Variants in TG observed in about 807,000 individuals in gnomAD.
The protein encoded by TG is thyroglobulin.
Under a neutral mutation model 324.7 loss-of-function variants are expected in TG, and 270 were observed. The ratio of observed to expected loss-of-function variants is 0.83; its 90% CI spans 0.75 to 0.92. TG has a LOEUF of 0.92. Among genes scored for constraint, TG ranks in the 40% least tolerant of loss-of-function variants. The pLI is 0.00. For missense variants in TG, 3,591 were observed against 3,456.4 expected (o/e 1.04, Z -0.98); for synonymous variants, 1,401 against 1,327.0 (o/e 1.06, Z -1.21).
intron 35 of TG, among the ~76,000 whole-genome samples, chr8:132,991,147 C>A (rs536869564): frequency 6.6e-6 from 1 of 151,054 alleles, no homozygotes. Context: ...GACCTTCAGC[C>A]GAGGCAGTCC....
chr8:132,922,840 C>A (rs1225516097), intron 21 of TG, among the ~76,000 whole-genome samples: 1 of 152,194 alleles, frequency 6.6e-6, no homozygotes. Flanking sequence ...ATGATCTAGT[C>A]ACCTCCCAAA....
At chr8:133,102,823 G>A (rs916931979) in intron 43 of TG, 1 of 439,766 alleles carries the variant, frequency 2.3e-6, no homozygotes, top group Non-Finnish European at 4.2e-6. Context: ...AGAAAAATCA[G>A]AAACAGAGCG....
chr8:133,133,539 A>G lies in TG; in HGVS notation c.8067A>G (p.Val2689=), dbSNP rs1564225183. The G allele has an allele frequency of 6.2e-7, 1 of 1,614,160 alleles. No individual in the cohort carries two copies. The change falls in exon 47 of 48, where the codon GTA becomes GTG. Residue 2689 remains valine, a synonymous_variant. Coordinates refer to ENST00000220616, the MANE Select transcript of TG (RefSeq NM_003235.5). ...TTGCAACCCCCTGGCCTGACTTTGT[A>G]CCCCGTGCTGGTGGAGAGAACTACA... The part of the protein sequence containing the change: ...PTFATPWPDF[V]PRAGGENYKE...
intron 41 of TG, among the ~76,000 whole-genome samples, chr8:133,040,516 C>A (rs1457096496): frequency 6.6e-6 from 1 of 152,222 alleles, no homozygotes; most frequent in East Asian, 1.9e-4. Flanking sequence ...GAAGCCGCAG[C>A]CTTCCAGGGT....
intron 41 of TG, among the ~76,000 whole-genome samples, chr8:133,087,410 C>A (rs1245067357): frequency 6.6e-6 from 1 of 152,190 alleles, no homozygotes; most frequent in Admixed American, 6.5e-5. Context: ...CCTCTTATCT[C>A]AGCCAGAACC....
chr8:133,112,407 C>T (rs925452131), intron 43 of TG, among the ~76,000 whole-genome samples: 1 of 152,208 alleles, frequency 6.6e-6, no homozygotes, highest in Non-Finnish European at 1.5e-5. Context: ...CCAGACTTTC[C>T]CCTGCCCATT....
intron 30 of TG, among the ~76,000 whole-genome samples, chr8:132,967,363 G>A (rs1055554640): frequency 1.3e-5 from 2 of 152,202 alleles, no homozygotes; most frequent in African/African-American, 4.8e-5. Context: ...CATGTTCCTT[G>A]CCCTTGGGGA....
rs778816868 is a variant in TG at position 132,929,028 on chromosome 8, G to A, written c.4700-48G>A. The A allele has an allele frequency of 2.0e-6, 3 of 1,488,354 alleles. No individual in the cohort carries two copies. The Admixed American group carries it at 5.0e-5, about 25-fold the overall frequency. The allele number at this position is 1,488,354 out of a possible 1,614,324, so 92.2% of individuals were successfully genotyped here. A position where few individuals can be genotyped will look rare whatever the true frequency, so the allele number is the denominator to read the frequency against. ...CAGTCTTTATGGCTTCTCTGCAGAT[G>A]CCCTACACCCTTCTGAGTCAGATTT... is the stretch of plus-strand genomic sequence containing the variant. On this transcript the variant is annotated intron_variant, in intron 22 of 47. Transcript: ENST00000220616.
At chr8:132,902,248 T>C (rs965385579) in intron 16 of TG, among the ~76,000 whole-genome samples, 1 of 152,230 alleles carries the variant, frequency 6.6e-6, no homozygotes, top group Non-Finnish European at 1.5e-5. Flanking sequence ...TAAATGATTC[T>C]GAGTTAGCCA....
intron 35 of TG, among the ~76,000 whole-genome samples, chr8:132,996,606 A>G (rs1949729): frequency 0.015 from 2,328 of 152,234 alleles, 44 homozygotes; most frequent in African/African-American, 0.051. Context: ...TTTTGATCTC[A>G]AGGAGCTCAT....
rs144006971 is a variant in TG, at chr8:133,062,678, G to A, written c.7240-32366G>A. The stretch of plus-strand genomic sequence containing the variant: ...GACATGCAGAGGCCGCTCTGCACAG[G>A]CCTCAGGAAGCATGCCTGTGACACG... On this transcript the variant is annotated intron_variant, in intron 41 of 47. Transcript: ENST00000220616. Among the ~76,000 whole-genome samples the A allele has an allele frequency of 1.1e-4, 17 of 152,310 alleles. 1 individual carries two copies. The East Asian group carries it at 2.9e-3, about 26-fold the overall frequency.
At chr8:133,049,310 G>A in intron 41 of TG, 1 of 375,640 alleles carries the variant, frequency 2.7e-6, no homozygotes, top group Non-Finnish European at 5.3e-6. Context: ...GATTCTGTGT[G>A]TTTCTGGATA....
intron 41 of TG, among the ~76,000 whole-genome samples, chr8:133,042,931 C>T (rs905857611): frequency 2.0e-5 from 3 of 151,494 alleles, no homozygotes; most frequent in Non-Finnish European, 2.9e-5. Context: ...TGACCTCAGG[C>T]GATCCGCCCA....
intron 16 of TG, among the ~76,000 whole-genome samples, chr8:132,903,952 A>T (rs968572896): frequency 6.6e-6 from 1 of 152,228 alleles, no homozygotes; most frequent in Non-Finnish European, 1.5e-5. Context: ...AATACATATT[A>T]TTACTATTTT....
chr8:132,907,339 G>A (rs558422943), intron 17 of TG, among the ~76,000 whole-genome samples: 15 of 152,294 alleles, frequency 9.8e-5, no homozygotes, highest in African/African-American at 3.4e-4. Flanking sequence ...CAGGGCTAAT[G>A]CCTGGCTTAG....
intron 3 of TG, 32 bp downstream of exon 3, chr8:132,869,858 G>A (rs1839318532): frequency 1.9e-6 from 3 of 1,595,204 alleles, no homozygotes. Flanking sequence ...CCCTTGGAGG[G>A]ACCCTGCTAG....
chr8:132,991,148 G>A (rs763457098), intron 35 of TG, among the ~76,000 whole-genome samples: 6 of 151,970 alleles, frequency 3.9e-5, no homozygotes, highest in Non-Finnish European at 5.9e-5. Flanking sequence ...ACCTTCAGCC[G>A]AGGCAGTCCT....
chr8:132,891,113 T>C (rs1237502482), intron 10 of TG, among the ~76,000 whole-genome samples: 3 of 152,064 alleles, frequency 2.0e-5, no homozygotes, highest in African/African-American at 7.3e-5. Flanking sequence ...AAGGGGCTAC[T>C]AACTCATTGA....
At chr8:132,960,442 G>A (rs1827571386) in intron 27 of TG, among the ~76,000 whole-genome samples, 1 of 152,208 alleles carries the variant, frequency 6.6e-6, no homozygotes, top group South Asian at 2.1e-4. Context: ...TCAGGAAATG[G>A]TGTGGCAAGC....
Sources: gnomAD v4.1 joint callset for allele counts (sites outside exome capture counted in the v4.1 genomes callset) on GRCh38, gnomAD v4.1.1 for gene constraint, MANE v1.5 for transcripts, NCBI Gene and HGNC (gene_info 2026-07-23, HGNC 2026-07-21) for gene names.